NTSR1: variants seen among roughly 807,000 people sequenced by gnomAD.
NTSR1 encodes the protein neurotensin receptor type 1.
In NTSR1, 29 loss-of-function variants were observed where a neutral mutation model predicts 31.2. The ratio of observed to expected loss-of-function variants is 0.93; its 90% confidence interval spans 0.69 to 1.27. NTSR1 has a LOEUF of 1.27. Among genes scored for constraint, NTSR1 ranks in the 50% most tolerant of loss-of-function variants. The pLI is 0.00. For synonymous variants in NTSR1, 282 were observed against 269.9 expected (o/e 1.04, Z -0.44); for missense variants, 697 against 595.4 (o/e 1.17, Z -1.78).
At position 62,754,814 on chromosome 20, in the gene NTSR1, G is replaced by A. The variant is rs546918503; in HGVS notation, c.844G>A (p.Glu282Lys). 185 of 1,610,132 alleles carry A rather than the reference G, an allele frequency of 1.1e-4. 2 individuals are homozygous for A. The South Asian group carries it at 1.5e-3, about 13-fold the overall frequency. Reference sequence around the variant, plus strand: ...GGGCCAAGTGTGCACGGTCGGGGGCGAGCACAGCACATTCAGCATGGCCAT... The same window carrying A: ...GGGCCAAGTGTGCACGGTCGGGGGCAAGCACAGCACATTCAGCATGGCCAT... ...EQGQVCTVGG[E>K]HSTFSMAIEP... Residue 282 changes from glutamate to lysine, a missense_variant, in exon 2 of 4, where the codon GAG becomes AAG. Physicochemically the swap from Glu to Lys is moderately conservative, Grantham distance 56. Transcript: ENST00000370501.
rs951931941 is a variant in NTSR1 at position 62,741,492 on chromosome 20, C to G, written c.715-13193C>G. Among the ~76,000 whole-genome samples the G allele has an allele frequency of 6.7e-6, 1 of 149,544 alleles. No homozygotes were observed. The highest frequency in any genetic ancestry group is 2.5e-5 in the African/African-American group (1 of 40,040). ...TGATGGGGTCCTTGCCCCCAGCTGG[C>G]TTGGGGGTCCCTACACCGGCCCCCT... On this transcript the variant is annotated intron_variant, in intron 1 of 3. Transcript: ENST00000370501. The surrounding 1 kb of genome is among the most constrained non-coding windows in gnomAD (Gnocchi z 4.3).
intron 1 of NTSR1, among the ~76,000 whole-genome samples, chr20:62,736,509 G>A (rs911936554): frequency 1.3e-5 from 2 of 152,214 alleles, no homozygotes; most frequent in African/African-American, 4.8e-5. Flanking sequence ...GGAGGGAAGT[G>A]GCTTCCACCT....
chr20:62,739,323 CT>C (rs1195690407), intron 1 of NTSR1, among the ~76,000 whole-genome samples: 1 of 152,246 alleles, frequency 6.6e-6, no homozygotes, highest in African/African-American at 2.4e-5. Flanking sequence ...GGTCCCACTG[CT>C]GTTCCAGAGC....
At position 62,742,219 on chromosome 20, in the gene NTSR1, GC is replaced by G. The variant is rs1278762156; in HGVS notation, c.715-12462del. ...CACAGACACCGAGGTGGCTGACATG[GC>G]CCCTCCAGGTCACACGCCTGTTCTC... On this transcript the variant is annotated intron_variant, in intron 1 of 3. Transcript: ENST00000370501. This position sits in a 1 kb window ranked among gnomAD's most constrained non-coding sequence, Gnocchi z 7.1. 1.3e-5 allele frequency among the ~76,000 whole-genome samples: 2 copies of G among 149,396 alleles called. No homozygotes were observed. Among genetic ancestry groups the G allele is most frequent in the Non-Finnish European group, 2.9e-5 (2 of 68,002 alleles).
rs1989026714 is a variant in NTSR1, at chr20:62,733,043, G to C, written c.715-21642G>C. The C allele has an allele frequency of 1.3e-5, 2 of 149,662 alleles. No homozygotes were observed. Among genetic ancestry groups the C allele is most frequent in the Admixed American group, 6.7e-5 (1 of 14,984 alleles). 9.3% of individuals were successfully genotyped at this position (149,662 alleles called of 1,614,324 possible). On this transcript the variant is annotated intron_variant, in intron 1 of 3. Coordinates refer to ENST00000370501, the MANE Select transcript of NTSR1 (RefSeq NM_002531.3). The surrounding 1 kb of genome is among the most constrained non-coding windows in gnomAD (Gnocchi z 5.2). ...AGCCGCCACGGGAGTCTGTGGACTT[G>C]TCACATCACCCGCAGGCGTGGCCCT...
At chr20:62,718,490 C>T (rs1253973634) in intron 1 of NTSR1, among the ~76,000 whole-genome samples, 1 of 152,154 alleles carries the variant, frequency 6.6e-6, no homozygotes, top group Non-Finnish European at 1.5e-5. Context: ...AGCCATGTAT[C>T]CCCACTTCAG....
chr20:62,710,009 G>A (rs1988576876), intron 1 of NTSR1, 88 bp downstream of exon 1: 2 of 1,124,794 alleles, frequency 1.8e-6, no homozygotes, highest in Admixed American at 2.8e-5. Flanking sequence ...GGGAGTGGGA[G>A]AGATGTCACA....
intron 1 of NTSR1, among the ~76,000 whole-genome samples, chr20:62,751,393 C>T (rs1415727784): frequency 1.3e-5 from 2 of 152,166 alleles, no homozygotes; most frequent in African/African-American, 4.8e-5. Flanking sequence ...ATTGTCTTAT[C>T]CCTTAAGAAA....
intron 1 of NTSR1, among the ~76,000 whole-genome samples, chr20:62,749,120 G>A (rs553583444): frequency 9.2e-5 from 14 of 152,296 alleles, no homozygotes; most frequent in Admixed American, 2.6e-4. Context: ...AAACAGTGAT[G>A]GGAAAACTGG....
chr20:62,750,615 C>T (rs919794338), intron 1 of NTSR1, among the ~76,000 whole-genome samples: 9 of 143,930 alleles, frequency 6.3e-5, no homozygotes, highest in African/African-American at 1.0e-4. Flanking sequence ...GGCGTGAACC[C>T]GGGAGGCGGA....
chr20:62,736,130 C>T (rs1418914434), intron 1 of NTSR1, among the ~76,000 whole-genome samples: 1 of 152,234 alleles, frequency 6.6e-6, no homozygotes, highest in Non-Finnish European at 1.5e-5. Flanking sequence ...CCCTTCGGGG[C>T]AGGGCCTGGG....
intron 1 of NTSR1, 80 bp from the exon 2 acceptor site, chr20:62,754,605 A>G (rs1022635673): frequency 1.0e-5 from 12 of 1,187,594 alleles, no homozygotes; most frequent in African/African-American, 4.5e-5. Context: ...TGACACCCCA[A>G]TCAGCACGGC....
rs1376626236 is a variant in NTSR1, at chr20:62,711,568, C to G, written c.714+1647C>G. Among the ~76,000 whole-genome samples, 1 of 146,618 alleles carries G rather than the reference C, an allele frequency of 6.8e-6. No homozygotes were observed. The highest frequency in any genetic ancestry group is 6.8e-5 in the Admixed American group (1 of 14,772). ...CCCCGGATCCCCCCACTCAGACCCCCGATCCCCCCGCTCAGATCCCCGATC... is the reference window on the plus strand; with the variant it reads ...CCCCGGATCCCCCCACTCAGACCCCGGATCCCCCCGCTCAGATCCCCGATC... On this transcript the variant is annotated intron_variant, in intron 1 of 3. Coordinates refer to ENST00000370501, the MANE Select transcript of NTSR1 (RefSeq NM_002531.3). The surrounding 1 kb of genome is among the most constrained non-coding windows in gnomAD (Gnocchi z 6.4).
chr20:62,749,216 C>G (rs528552772), intron 1 of NTSR1, among the ~76,000 whole-genome samples: 9 of 152,030 alleles, frequency 5.9e-5, no homozygotes, highest in Non-Finnish European at 1.2e-4. Flanking sequence ...CCGAGGTGGG[C>G]GGATCACGAG....
At chr20:62,727,295 G>A (rs919851336) in intron 1 of NTSR1, among the ~76,000 whole-genome samples, 4 of 152,194 alleles carry the variant, frequency 2.6e-5, no homozygotes, top group African/African-American at 9.7e-5. Context: ...CTGAGGACAG[G>A]GTTTCCTCTC....
At position 62,743,986 on chromosome 20, in the gene NTSR1, C is replaced by T. The variant is rs73151312; in HGVS notation, c.715-10699C>T. 2.1e-3 allele frequency among the ~76,000 whole-genome samples: 315 copies of T among 152,284 alleles called. 2 individuals carry two copies. Among genetic ancestry groups the T allele is most frequent in the Non-Finnish European group, 3.5e-3 (238 of 68,022 alleles). ...TCAGACCAACCACCCAGAGGCTGCG[C>T]CCCGGTCCAGATCCCCCTAACACAC... On this transcript the variant is annotated intron_variant, in intron 1 of 3. Transcript: ENST00000370501. The surrounding 1 kb of genome is among the most constrained non-coding windows in gnomAD (Gnocchi z 7.5).
chr20:62,723,670 G>A (rs897488260), intron 1 of NTSR1, among the ~76,000 whole-genome samples: 21 of 152,312 alleles, frequency 1.4e-4, no homozygotes, highest in African/African-American at 3.6e-4. Flanking sequence ...GCACCCTTAA[G>A]ACACAGAAGC....
chr20:62,728,578 T>A (rs1988949749), intron 1 of NTSR1, among the ~76,000 whole-genome samples: 1 of 152,222 alleles, frequency 6.6e-6, no homozygotes, highest in Non-Finnish European at 1.5e-5. Context: ...GGAGGCCGTT[T>A]GTGGTTTTCT....
chr20:62,717,230 C>A (rs779618641), intron 1 of NTSR1, among the ~76,000 whole-genome samples: 2 of 152,228 alleles, frequency 1.3e-5, no homozygotes, highest in Non-Finnish European at 2.9e-5. Context: ...GGGGAGGTGC[C>A]CAGCATGCTG....
Sources: gnomAD v4.1 joint callset for allele counts (sites outside exome capture counted in the v4.1 genomes callset) on GRCh38, gnomAD v4.1.1 for gene constraint, Gnocchi (gnomAD v3.1) non-coding constraint, MANE v1.5 for transcripts, NCBI Gene and HGNC (gene_info 2026-07-23, HGNC 2026-07-21) for gene names.